GPHN: variants seen among roughly 807,000 people sequenced by gnomAD.
GPHN encodes gephyrin.
A neutral mutation model predicts 95.5 loss-of-function variants in GPHN; 17 were observed. That is an observed-to-expected ratio of 0.18 (90% CI 0.12 to 0.27). GPHN has a LOEUF of 0.27. Among genes scored for constraint, GPHN ranks in the 10% least tolerant of loss-of-function variants. GPHN has a pLI of 1.00. For synonymous variants in GPHN, 320 were observed against 322.5 expected (o/e 0.99, Z 0.08); for missense variants, 660 against 978.1 (o/e 0.67, Z 4.34).
chr14:67,410,025 T>C, the GPHN span, among the ~76,000 whole-genome samples: 1 of 152,106 alleles, frequency 6.6e-6, no homozygotes, highest in Non-Finnish European at 1.5e-5. Flanking sequence ...CTGGCTGGAA[T>C]GAGCTCTAGG....
the GPHN span, among the ~76,000 whole-genome samples, chr14:67,537,713 C>T: frequency 5.3e-5 from 8 of 152,274 alleles, no homozygotes; most frequent in Middle Eastern, 3.4e-3. Flanking sequence ...AGTTTCTGCT[C>T]AAAATCCTCA....
At chr14:67,465,230 T>C in the GPHN span, among the ~76,000 whole-genome samples, 1 of 152,176 alleles carries the variant, frequency 6.6e-6, no homozygotes, top group Admixed American at 6.5e-5. Flanking sequence ...AAACCAATGT[T>C]GCCAGCTTTA....
At chr14:67,020,465 TG>T (rs2073555131) in intron 9 of GPHN, among the ~76,000 whole-genome samples, 1 of 152,318 alleles carries the variant, frequency 6.6e-6, no homozygotes, top group Admixed American at 6.5e-5. Flanking sequence ...TTTTCACTTT[TG>T]TTCCTTACAT....
chr14:67,608,377 G>A, the GPHN span, among the ~76,000 whole-genome samples: 1 of 152,132 alleles, frequency 6.6e-6, no homozygotes, highest in Non-Finnish European at 1.5e-5. Context: ...GTAATCTAGA[G>A]ATGCTTTAAG....
rs1337345151 is a variant in GPHN, at chr14:66,880,028, C to G, written c.384C>G (p.Leu128=). 1 of 1,591,992 alleles carries G rather than the reference C, an allele frequency of 6.3e-7. No individual in the cohort carries two copies. The highest frequency in any genetic ancestry group is 1.3e-5 in the African/African-American group (1 of 74,500). ...GSLNVTPLGM[L]SRPVCGIRGK... ...TTAATGTTACACCTCTGGGCATGCT[C>G]TCTAGGTAAGAAAGTCACCAACATG... The change falls in exon 5 of 23, where the codon CTC becomes CTG. Residue 128 remains leucine (L), a synonymous_variant. Coordinates refer to ENST00000478722, the MANE Select transcript of GPHN (RefSeq NM_020806.5).
chr14:67,726,137 C>A, the GPHN span: 1 of 1,610,532 alleles, frequency 6.2e-7, no homozygotes, highest in African/African-American at 1.3e-5. Flanking sequence ...TGAAACCCAC[C>A]TGGGAGTCAA....
At chr14:66,535,514 A>G (rs2059112491) in intron 1 of GPHN, among the ~76,000 whole-genome samples, 1 of 152,088 alleles carries the variant, frequency 6.6e-6, no homozygotes, top group South Asian at 2.1e-4. Flanking sequence ...TGTTAATATT[A>G]TGATTGGGAT....
At chr14:66,865,661 C>G (rs1004083560) in intron 4 of GPHN, among the ~76,000 whole-genome samples, 1 of 152,086 alleles carries the variant, frequency 6.6e-6, no homozygotes, top group Non-Finnish European at 1.5e-5. Flanking sequence ...CCATCTATCG[C>G]ATTTATTGTT....
At chr14:66,591,568 A>C (rs1403221596) in intron 1 of GPHN, among the ~76,000 whole-genome samples, 1 of 152,076 alleles carries the variant, frequency 6.6e-6, no homozygotes, top group Non-Finnish European at 1.5e-5. Context: ...TGCTACAAAG[A>C]GAATAAAACA....
chr14:66,578,701 A>T (rs147735809), intron 1 of GPHN, among the ~76,000 whole-genome samples: 2,717 of 150,136 alleles, frequency 0.018, 31 homozygotes, highest in Non-Finnish European at 0.027. Context: ...GCTCAAAGAA[A>T]GAAAAAAAAA....
chr14:66,776,403 T>A, intron 2 of GPHN, 61 bp from the exon 3 acceptor site: 1 of 981,410 alleles, frequency 1.0e-6, no homozygotes, highest in Non-Finnish European at 1.7e-6. Context: ...ATGGCAGAAA[T>A]CTTTCATACA....
At chr14:67,417,043 T>A in the GPHN span, among the ~76,000 whole-genome samples, 3 of 152,254 alleles carry the variant, frequency 2.0e-5, no homozygotes, top group Admixed American at 6.5e-5. Context: ...GTTGTGGTAA[T>A]GCCCAGCTGC....
the GPHN span, among the ~76,000 whole-genome samples, chr14:67,453,664 T>A: frequency 6.6e-6 from 1 of 152,190 alleles, no homozygotes; most frequent in Non-Finnish European, 1.5e-5. Flanking sequence ...GGTTCAGAGC[T>A]GGGATGAGAA....
At chr14:67,167,010 T>G (rs1201949911) in intron 20 of GPHN, among the ~76,000 whole-genome samples, 1 of 152,212 alleles carries the variant, frequency 6.6e-6, no homozygotes, top group African/African-American at 2.4e-5. Flanking sequence ...TCTGCTTTCC[T>G]GTAGGCCATG....
At chr14:67,480,124 G>C in the GPHN span, among the ~76,000 whole-genome samples, 3 of 152,146 alleles carry the variant, frequency 2.0e-5, no homozygotes, top group African/African-American at 7.2e-5. Context: ...TACAGCTAAG[G>C]CTCCAGAAAG....
At chr14:67,593,490 C>CAA in the GPHN span, 52 of 330,886 alleles carry the variant, frequency 1.6e-4, no homozygotes, top group East Asian at 2.5e-4. Context: ...GACCCTGTCT[C>CAA]AAAAAAAAAA....
At chr14:67,230,490 T>G in the GPHN span, among the ~76,000 whole-genome samples, 1 of 152,206 alleles carries the variant, frequency 6.6e-6, no homozygotes, top group South Asian at 2.1e-4. Context: ...GAAGATTGCT[T>G]GAGCTCAGGA....
chr14:67,356,906 T>C, the GPHN span, among the ~76,000 whole-genome samples: 1 of 152,362 alleles, frequency 6.6e-6, no homozygotes, highest in East Asian at 1.9e-4. Flanking sequence ...AAGAGCTGGA[T>C]CAAATTTAAG....
At chr14:67,008,059 A>G (rs1021199972) in intron 9 of GPHN, among the ~76,000 whole-genome samples, 25 of 152,198 alleles carry the variant, frequency 1.6e-4, no homozygotes, top group Admixed American at 1.3e-3. Flanking sequence ...TATGTGCTAG[A>G]GGGAATCATA....
Sources: allele counts gnomAD v4.1 joint callset (sites outside exome capture counted in the v4.1 genomes callset), GRCh38; gene constraint gnomAD v4.1.1; transcripts MANE v1.5; gene names NCBI Gene and HGNC (gene_info 2026-07-23, HGNC 2026-07-21).